Variants in PAN3 observed in about 807,000 individuals in gnomAD.
PAN3 encodes the protein PAN2-PAN3 deadenylation complex subunit PAN3.
PAN3 carries 19 observed loss-of-function variants against 96.2 expected under a neutral mutation model. That is an observed-to-expected ratio of 0.20 (90% CI 0.14 to 0.29). The LOEUF is 0.29. Ranked by LOEUF, PAN3 falls within the 10% of genes least tolerant of loss-of-function variation. The pLI is 1.00. For synonymous variants in PAN3, 433 were observed against 406.6 expected (o/e 1.06, Z -0.78); for missense variants, 882 against 1,108.1 (o/e 0.80, Z 2.90).
chr13:28,252,984 A>G (rs762959033), intron 6 of PAN3, among the ~76,000 whole-genome samples: 4 of 152,196 alleles, frequency 2.6e-5, no homozygotes, highest in South Asian at 4.1e-4. Context: ...TTGAAATTAT[A>G]CAAGAATATT....
rs901960060 is a variant in PAN3, at chr13:28,138,763, G to A, written c.106G>A (p.Val36Ile). 4.4e-6 allele frequency: 6 copies of A among 1,356,074 alleles called. No individual in the cohort carries two copies. In the African/African-American group the frequency reaches 9.2e-5, roughly 21 times the overall value. 84.0% of individuals were successfully genotyped at this position (1,356,074 alleles called of 1,614,324 possible). ...AVVAPPGVGGVPGGAAVGVKL... is the reference protein window; with the variant it reads ...AVVAPPGVGGIPGGAAVGVKL... The stretch of plus-strand genomic sequence containing the variant: ...GGTGGCCCCGCCGGGGGTCGGGGGT[G>A]TCCCCGGCGGGGCGGCGGTAGGAGT... Residue 36 changes from valine (V) to isoleucine (I), a missense_variant, in exon 1 of 19, where the codon GTC becomes ATC. Val to Ile is a conservative substitution (Grantham distance 29). This residue lies in a region of PAN3 where 442 missense variants were observed against 422.8 expected (regional missense o/e 1.05). Transcript: ENST00000380958.
intron 5 of PAN3, among the ~76,000 whole-genome samples, chr13:28,205,011 A>G (rs1391552955): frequency 2.0e-5 from 3 of 151,968 alleles, no homozygotes; most frequent in Non-Finnish European, 4.4e-5. Context: ...TGTAAGAGGT[A>G]TTTAATTATA....
chr13:28,217,508 C>T (rs1440634008), intron 5 of PAN3, among the ~76,000 whole-genome samples: 1 of 151,262 alleles, frequency 6.6e-6, no homozygotes, highest in Non-Finnish European at 1.5e-5. Flanking sequence ...CTTGAACCTG[C>T]GAGGCGGAAG....
intron 6 of PAN3, among the ~76,000 whole-genome samples, chr13:28,223,993 C>T (rs932341583): frequency 6.7e-5 from 10 of 150,274 alleles, no homozygotes; most frequent in South Asian, 4.2e-4. Context: ...CTCAGCCTCG[C>T]GAGTAGCTGG....
intron 4 of PAN3, among the ~76,000 whole-genome samples, chr13:28,179,282 A>G (rs997284682): frequency 5.3e-5 from 8 of 152,262 alleles, no homozygotes; most frequent in African/African-American, 1.9e-4. Flanking sequence ...ACAAAGCCTA[A>G]CAATGTGGAA....
chr13:28,145,612 C>A (rs942409349), intron 1 of PAN3, among the ~76,000 whole-genome samples: 2 of 151,754 alleles, frequency 1.3e-5, no homozygotes, highest in African/African-American at 4.8e-5. Flanking sequence ...TAGGCGTGAC[C>A]CACTGTGCCT....
intron 5 of PAN3, among the ~76,000 whole-genome samples, chr13:28,198,689 A>T (rs1878359446): frequency 1.3e-5 from 2 of 152,354 alleles, no homozygotes; most frequent in Middle Eastern, 6.8e-3. Context: ...ATTTAGCCAG[A>T]GGTAGAATGT....
At chr13:28,225,789 T>G (rs1881936334) in intron 6 of PAN3, among the ~76,000 whole-genome samples, 1 of 152,248 alleles carries the variant, frequency 6.6e-6, no homozygotes, top group Admixed American at 6.5e-5. Context: ...CTTTTAGTTA[T>G]TTTATTCTTC....
intron 1 of PAN3, among the ~76,000 whole-genome samples, chr13:28,139,302 G>C (rs970821657): frequency 1.3e-5 from 2 of 150,850 alleles, no homozygotes; most frequent in Admixed American, 1.3e-4. Flanking sequence ...CGGGGAGGTT[G>C]GGTTCCCGGG....
Position 28,293,623 on chromosome 13 carries a change from TA to T in PAN3, c.*1103del, listed in dbSNP as rs1344415047. On this transcript the variant is annotated 3_prime_UTR_variant, in exon 19 of 19. Coordinates refer to ENST00000380958, the MANE Select transcript of PAN3 (RefSeq NM_175854.8). ...TTTGCAGTCACTGCTTAGCCCAAAG[TA>T]ATAGTACTTTTGATAATAACTCACT... 6.6e-6 allele frequency: 1 copy of T among 152,458 alleles called. No individual in the cohort carries two copies. The highest frequency in any genetic ancestry group is 1.5e-5 in the Non-Finnish European group (1 of 67,992). The allele number at this position is 152,458 out of a possible 1,614,324, so 9.4% of individuals were successfully genotyped here.
chr13:28,235,682 T>TATACACACACACAC (rs763764468), intron 6 of PAN3, among the ~76,000 whole-genome samples: 2 of 123,404 alleles, frequency 1.6e-5, no homozygotes, highest in African/African-American at 7.0e-5. Context: ...TTCTCTAATA[T>TATACACACACACAC]ACACACACAC....
intron 5 of PAN3, among the ~76,000 whole-genome samples, chr13:28,212,101 G>T (rs1434144155): frequency 6.6e-6 from 1 of 152,212 alleles, no homozygotes; most frequent in African/African-American, 2.4e-5. Context: ...TGTGAATGAA[G>T]AGGCTACCAG....
intron 6 of PAN3, among the ~76,000 whole-genome samples, chr13:28,223,227 C>G (rs1334506618): frequency 6.6e-6 from 1 of 152,136 alleles, no homozygotes; most frequent in Non-Finnish European, 1.5e-5. Context: ...TTACTCACAG[C>G]TAATTAGGTT....
chr13:28,277,689 G>C (rs895118572), intron 15 of PAN3, among the ~76,000 whole-genome samples: 16 of 152,176 alleles, frequency 1.1e-4, no homozygotes, highest in African/African-American at 3.6e-4. Context: ...AATTACACTA[G>C]TCACATTTCA....
chr13:28,169,868 G>A (rs1249752436), intron 1 of PAN3, among the ~76,000 whole-genome samples: 7 of 151,774 alleles, frequency 4.6e-5, no homozygotes, highest in African/African-American at 1.7e-4. Context: ...CCAAGATGGT[G>A]AAACCCCATC....
At chr13:28,223,031 G>T (rs1881569126) in intron 6 of PAN3, among the ~76,000 whole-genome samples, 1 of 152,152 alleles carries the variant, frequency 6.6e-6, no homozygotes, top group African/African-American at 2.4e-5. Context: ...GAGCAAAGTT[G>T]AGTGGATATT....
chr13:28,233,182 A>T (rs1882753801), intron 6 of PAN3, among the ~76,000 whole-genome samples: 1 of 152,018 alleles, frequency 6.6e-6, no homozygotes, highest in Admixed American at 6.6e-5. Context: ...GTGGAAAAAA[A>T]TTATGTTAAA....
intron 1 of PAN3, among the ~76,000 whole-genome samples, chr13:28,171,864 C>T (rs1349580357): frequency 2.6e-5 from 4 of 152,132 alleles, no homozygotes; most frequent in Admixed American, 6.6e-5. Flanking sequence ...GTAATCAGGG[C>T]TTGGTCTTTC....
intron 1 of PAN3, among the ~76,000 whole-genome samples, chr13:28,164,277 T>C (rs1873260937): frequency 6.6e-6 from 1 of 152,256 alleles, no homozygotes; most frequent in Non-Finnish European, 1.5e-5. Flanking sequence ...TTTCATTTTA[T>C]AATTCATGGC....
Sources: allele counts gnomAD v4.1 joint callset (sites outside exome capture counted in the v4.1 genomes callset), GRCh38; gene constraint gnomAD v4.1.1; regional missense constraint gnomAD v4.1.1; transcripts MANE v1.5; gene names NCBI Gene and HGNC (gene_info 2026-07-23, HGNC 2026-07-21).